The following DACH1 variants were observed in gnomAD, a reference collection of about 807,000 sequenced individuals.
DACH1 encodes the protein dachshund family transcription factor 1, also known as dachshund homolog 1.
DACH1 carries 12 observed loss-of-function variants against 54.2 expected under a neutral mutation model. The observed-to-expected ratio is 0.22, with a 90% CI of 0.14 to 0.36. The LOEUF (loss-of-function observed/expected upper bound fraction) is 0.36. Ranked by LOEUF, DACH1 falls within the 10% of genes least tolerant of loss-of-function variation. The probability of loss-of-function intolerance (pLI) is 1.00; values close to 1 mark genes in which losing one functional copy is unlikely to be tolerated. For missense variants in DACH1, 805 were observed against 929.8 expected (o/e 0.87, Z 1.75); for synonymous variants, 386 against 366.2 (o/e 1.05, Z -0.62).
chr13:71,445,480 A>T (rs1874369609), intron 10 of DACH1, among the ~76,000 whole-genome samples: 1 of 152,194 alleles, frequency 6.6e-6, no homozygotes, highest in African/African-American at 2.4e-5. Flanking sequence ...AAATGTATCA[A>T]GCATTAAAGA....
chr13:71,776,442 T>C (rs565547433), intron 1 of DACH1, among the ~76,000 whole-genome samples: 2 of 152,248 alleles, frequency 1.3e-5, no homozygotes, highest in Admixed American at 1.3e-4. Context: ...TTAAATAGTA[T>C]GGTATTATAA....
chr13:71,818,549 G>C (rs897540509), intron 1 of DACH1, among the ~76,000 whole-genome samples: 1 of 152,124 alleles, frequency 6.6e-6, no homozygotes, highest in African/African-American at 2.4e-5. Flanking sequence ...CATCTCCGGG[G>C]CTGTGACCCT....
At chr13:71,662,812 T>A (rs1381966041) in intron 2 of DACH1, among the ~76,000 whole-genome samples, 1 of 151,974 alleles carries the variant, frequency 6.6e-6, no homozygotes, top group Non-Finnish European at 1.5e-5. Flanking sequence ...CTTTCCACTA[T>A]AATGAGAATA....
At chr13:71,760,627 C>A (rs749575606) in intron 1 of DACH1, among the ~76,000 whole-genome samples, 8 of 152,192 alleles carry the variant, frequency 5.3e-5, no homozygotes, top group Non-Finnish European at 8.8e-5. Context: ...GGAAAGGACA[C>A]AGCCTTGTCT....
rs140832341 is a variant in DACH1, at chr13:71,646,855, T to G, written c.965-16138A>C. The stretch of plus-strand genomic sequence containing the variant: ...ACTCTGATTAAACTCTGAAAGACAA[T>G]TGCAATAAAATATCCATTTAATTGT... On this transcript the variant is annotated intron_variant, in intron 2 of 10. Coordinates refer to ENST00000613252, the MANE Select transcript of DACH1 (RefSeq NM_080759.6). Among the ~76,000 whole-genome samples the G allele has an allele frequency of 3.1e-3, 474 of 152,298 alleles. 3 individuals are homozygous for G. The highest frequency in any genetic ancestry group is 0.011 in the African/African-American group (451 of 41,578).
chr13:71,859,355 C>T (rs1874207931), intron 1 of DACH1, among the ~76,000 whole-genome samples: 1 of 151,714 alleles, frequency 6.6e-6, no homozygotes, highest in Admixed American at 6.6e-5. Flanking sequence ...ATTTTAAATG[C>T]ATTTGGTTCA....
rs79808074 is a variant in DACH1 at position 71,512,462 on chromosome 13, A to C, written c.1571-23314T>G. ...CAGGAAAACACAAAAGGAAAGCAAA[A>C]TACTAAAACAGAGGAGAAAGTAAAA... On this transcript the variant is annotated intron_variant, in intron 6 of 10. Transcript: ENST00000613252. Among the ~76,000 whole-genome samples the C allele has an allele frequency of 5.7e-3, 872 of 152,054 alleles. 10 individuals are homozygous for C. The highest frequency in any genetic ancestry group is 0.02 in the African/African-American group (824 of 41,544).
intron 1 of DACH1, among the ~76,000 whole-genome samples, chr13:71,865,441 C>T (rs1036898956): frequency 1.6e-4 from 25 of 152,276 alleles, no homozygotes; most frequent in Admixed American, 5.2e-4. Flanking sequence ...TCACGACCTC[C>T]CCCCGCCCCC....
intron 5 of DACH1, among the ~76,000 whole-genome samples, chr13:71,559,556 C>T (rs1006585536): frequency 1.3e-5 from 2 of 152,058 alleles, no homozygotes; most frequent in African/African-American, 2.4e-5. Context: ...CCAATCTAAA[C>T]GGTTACTTAT....
In DACH1 at chr13:71,537,328, C is replaced by T. The variant is rs191630531; in HGVS notation, c.1570+19696G>A. 3.1e-3 allele frequency among the ~76,000 whole-genome samples: 474 copies of T among 152,194 alleles called. 9 individuals carry two copies. Among genetic ancestry groups the T allele is most frequent in the Admixed American group, 0.022 (336 of 15,278 alleles). ...TGCCATCCTATGTATGAAAGCCTAC[C>T]CTAGCTACTATCACATTTCCCAGTC... is the stretch of plus-strand genomic sequence containing the variant. On this transcript the variant is annotated intron_variant, in intron 6 of 10. Coordinates refer to ENST00000613252, the MANE Select transcript of DACH1 (RefSeq NM_080759.6).
rs1880502619 is a variant in DACH1, at chr13:71,675,433, G to A, written c.964+6362C>T. 3 of 1,444,500 alleles carry A rather than the reference G, an allele frequency of 2.1e-6. No individual in the cohort carries two copies. The South Asian group carries it at 3.5e-5, about 17-fold the overall frequency. 89.5% of individuals were successfully genotyped at this position (1,444,500 alleles called of 1,614,324 possible). A position where few individuals can be genotyped will look rare whatever the true frequency, so the allele number is the denominator to read the frequency against. Reference sequence around the variant, plus strand: ...CAAACGTGTAACAATTATGCCAAAAGACATCCAGCTAGCACGCCGCATACG... The same window carrying A: ...CAAACGTGTAACAATTATGCCAAAAAACATCCAGCTAGCACGCCGCATACG... On this transcript the variant is annotated intron_variant, in intron 2 of 10. Transcript: ENST00000613252.
At position 71,454,712 on chromosome 13, in the gene DACH1, C is replaced by A. The variant is rs867207564; in HGVS notation, c.2084-14020G>T. 3.9e-5 allele frequency among the ~76,000 whole-genome samples: 6 copies of A among 152,292 alleles called. No individual in the cohort carries two copies. In the South Asian group the frequency reaches 1.2e-3, roughly 32 times the overall value. On this transcript the variant is annotated intron_variant, in intron 10 of 10. Coordinates refer to ENST00000613252, the MANE Select transcript of DACH1 (RefSeq NM_080759.6). Reference sequence around the variant, plus strand: ...GCATGGCAACAGCCACATTAGTCAGCTTGGAAGTGGAGTGTCCCTCAGTGG... The same window carrying A: ...GCATGGCAACAGCCACATTAGTCAGATTGGAAGTGGAGTGTCCCTCAGTGG...
At chr13:71,478,490 A>C (rs1877765701) in intron 8 of DACH1, among the ~76,000 whole-genome samples, 1 of 152,208 alleles carries the variant, frequency 6.6e-6, no homozygotes, top group South Asian at 2.1e-4. Context: ...TTGTAGACAA[A>C]ATAATCTTCA....
chr13:71,621,707 TATC>T (rs1220996422), intron 3 of DACH1, among the ~76,000 whole-genome samples: 1 of 152,048 alleles, frequency 6.6e-6, no homozygotes, highest in Admixed American at 6.6e-5. Flanking sequence ...ACTCTTTGCT[TATC>T]ATGCTGTGAA....
At chr13:71,654,346 C>T (rs1369157623) in intron 2 of DACH1, among the ~76,000 whole-genome samples, 1 of 149,428 alleles carries the variant, frequency 6.7e-6, no homozygotes, top group African/African-American at 2.5e-5. Context: ...GCCGAGACTG[C>T]ACCACCACAC....
At chr13:71,607,830 T>C (rs1874988768) in intron 3 of DACH1, among the ~76,000 whole-genome samples, 1 of 152,088 alleles carries the variant, frequency 6.6e-6, no homozygotes, top group Non-Finnish European at 1.5e-5. Context: ...GCCTGTCAGC[T>C]GTATCAGTTT....
chr13:71,838,680 G>A (rs9646071), intron 1 of DACH1, among the ~76,000 whole-genome samples: 6,472 of 152,186 alleles, frequency 0.043, 179 homozygotes, highest in East Asian at 0.1. Flanking sequence ...GACTTGCACC[G>A]GATCATGACC....
At chr13:71,458,934 T>A (rs1875826265) in intron 10 of DACH1, among the ~76,000 whole-genome samples, 1 of 151,880 alleles carries the variant, frequency 6.6e-6, no homozygotes, top group Non-Finnish European at 1.5e-5. Context: ...AAAGGATATG[T>A]CTTTTGTTTT....
intron 1 of DACH1, among the ~76,000 whole-genome samples, chr13:71,851,881 T>C (rs1241343883): frequency 6.6e-6 from 1 of 152,178 alleles, no homozygotes; most frequent in Admixed American, 6.5e-5. Flanking sequence ...ATTCTTAAAA[T>C]TGTCTTGTGT....
Sources: allele counts gnomAD v4.1 joint callset (sites outside exome capture counted in the v4.1 genomes callset), GRCh38; gene constraint gnomAD v4.1.1; transcripts MANE v1.5; gene names NCBI Gene and HGNC (gene_info 2026-07-23, HGNC 2026-07-21).